The following MGAT1 variants were observed in gnomAD, a reference collection of about 807,000 sequenced individuals.
The protein encoded by MGAT1 is alpha-1,3-mannosyl-glycoprotein 2-beta-N-acetylglucosaminyltransferase, also known as N-glycosyl-oligosaccharide-glycoprotein N-acetylglucosaminyltransferase I.
In MGAT1, 14 loss-of-function variants were observed where a neutral mutation model predicts 31.7. The ratio of observed to expected loss-of-function variants is 0.44; its 90% CI spans 0.29 to 0.69. MGAT1 has a LOEUF of 0.69. Among genes scored for constraint, MGAT1 ranks in the 30% least tolerant of loss-of-function variants. The pLI, the probability that MGAT1 is intolerant of heterozygous loss-of-function variation, is 0.12. For missense variants in MGAT1, 557 were observed against 626.0 expected, an observed-to-expected ratio of 0.89 and a Z score of 1.18; for synonymous variants, 338 against 276.0, an observed-to-expected ratio of 1.22 and a Z score of -2.23.
chr5:180,802,599 C>A (rs1475082335), intron 1 of MGAT1, 81 bp downstream of exon 1: 2 of 152,348 alleles, frequency 1.3e-5, no homozygotes, highest in African/African-American at 2.4e-5. Flanking sequence ...GGCTTTGGGG[C>A]GACCCGACGT....
intron 1 of MGAT1, among the ~76,000 whole-genome samples, chr5:180,796,464 C>T (rs903608302): frequency 3.3e-5 from 5 of 152,156 alleles, no homozygotes; most frequent in African/African-American, 9.7e-5. Context: ...TCAGGGCAAA[C>T]GTCGTTTCAG....
intron 1 of MGAT1, chr5:180,810,467 G>C (rs950808706): frequency 2.0e-5 from 3 of 152,526 alleles, no homozygotes; most frequent in African/African-American, 7.2e-5. Context: ...GGCCAGCAGC[G>C]GAAGCGCGCG....
chr5:180,813,059 T>C (rs1772674094), intron 1 of MGAT1, among the ~76,000 whole-genome samples: 1 of 152,088 alleles, frequency 6.6e-6, no homozygotes, highest in South Asian at 2.1e-4. Context: ...TTTTGCAAAA[T>C]TACTTGTAGC....
At chr5:180,815,169 TC>T (rs1772798143) in intron 1 of MGAT1, among the ~76,000 whole-genome samples, 1 of 152,070 alleles carries the variant, frequency 6.6e-6, no homozygotes, top group Non-Finnish European at 1.5e-5. Flanking sequence ...CGCAGGTCTC[TC>T]TTCCTCTCTT....
chr5:180,792,072 C>G lies in MGAT1; in HGVS notation c.900G>C (p.Gly300=), dbSNP rs775842619. ...AGATCTCAGGGCGTATGCAGGCCCG[C>G]CCCTGCCGCTGCTCCGGCCGCCGCA... is the stretch of plus-strand genomic sequence containing the variant. ...DWMRRPEQRQ[G]RACIRPEISR... The change falls in exon 2 of 2, where the codon GGG becomes GGC. Residue 300 remains glycine (G), a synonymous_variant. Coordinates refer to ENST00000307826, the MANE Select transcript of MGAT1 (RefSeq NM_002406.4). The G allele has an allele frequency of 6.2e-7, 1 of 1,613,126 alleles. No individual in the cohort carries two copies. Among genetic ancestry groups the G allele is most frequent in the Non-Finnish European group, 8.5e-7 (1 of 1,179,888 alleles).
At chr5:180,797,682 T>C (rs549005448) in intron 1 of MGAT1, among the ~76,000 whole-genome samples, 1 of 149,126 alleles carries the variant, frequency 6.7e-6, no homozygotes, top group East Asian at 2.0e-4. Context: ...TGCACACACA[T>C]GGAGTGGCTG....
At position 180,798,713 on chromosome 5, in the gene MGAT1, T is replaced by C. The variant is rs117615702; in HGVS notation, c.-127+3967A>G. 5.3e-5 allele frequency among the ~76,000 whole-genome samples: 8 copies of C among 152,360 alleles called. No homozygotes were observed. The South Asian group carries it at 1.0e-3, about 20-fold the overall frequency. On this transcript the variant is annotated intron_variant, in intron 1 of 1. Transcript: ENST00000307826. ...TTTGGTAAAATCTGATCTGATCTAA[T>C]ATGGGGCTATTTATAGTCTTTTCTC...
Position 180,792,805 on chromosome 5 carries a change from C to T in MGAT1, c.167G>A (p.Arg56His), listed in dbSNP as rs774522120. The change falls in exon 2 of 2, where the codon CGC (arginine) becomes CAC (histidine). Residue 56 changes from arginine (R) to histidine (H), a missense_variant. Coordinates refer to ENST00000307826, the MANE Select transcript of MGAT1 (RefSeq NM_002406.4). ...CTCCACCTCGGCGTCTTGGGCCAGG[C>T]GAATCACTTCCCGGGTGAGGCTGGC... ...DPASLTREVI[R>H]LAQDAEVELE... 62 of 1,556,162 alleles carry T rather than the reference C, an allele frequency of 4.0e-5. No individual in the cohort carries two copies. The South Asian group carries it at 4.0e-4, about 10-fold the overall frequency.
Position 180,810,853 on chromosome 5 carries a change from G to A in MGAT1, c.-545-1787C>T, listed in dbSNP as rs1283817431. On this transcript the variant is annotated intron_variant, in intron 1 of 2. Transcript: ENST00000333055. The stretch of plus-strand genomic sequence containing the variant: ...CTTGACGAGGCAGGGCCCTTGCAGG[G>A]TGCGCCCGCGCTGCCCTCTGACAGG... 1.2e-4 allele frequency: 18 copies of A among 152,292 alleles called. 1 individual carries two copies. The highest frequency in any genetic ancestry group is 1.1e-3 in the Admixed American group (17 of 15,290). The allele number at this position is 152,292 out of a possible 1,614,324, so 9.4% of individuals were successfully genotyped here.
At chr5:180,794,361 T>A (rs764383979) in intron 1 of MGAT1, among the ~76,000 whole-genome samples, 20 of 150,630 alleles carry the variant, frequency 1.3e-4, no homozygotes, top group Non-Finnish European at 2.7e-4. Flanking sequence ...GCCATTGCAC[T>A]CCAGCCTGGG....
In MGAT1 at chr5:180,792,412, C is replaced by T. The variant is rs775360849; in HGVS notation, c.560G>A (p.Arg187His). The T allele has an allele frequency of 3.1e-6, 5 of 1,610,224 alleles. No homozygotes were observed. Among genetic ancestry groups the T allele is most frequent in the Admixed American group, 1.7e-5 (1 of 59,868 alleles). The change falls in exon 2 of 2, where the codon CGC becomes CAC. Residue 187 changes from arginine (R) to histidine (H), a missense_variant. This residue lies in a region of MGAT1 where 245 missense variants were observed against 332.9 expected (regional missense o/e 0.74). Transcript: ENST00000307826. ...RKFQGYYKIARHYRWALGQVF... is the reference protein window; with the variant it reads ...RKFQGYYKIAHHYRWALGQVF... ...CTGGCCCAGCGCCCAGCGGTAGTGG[C>T]GCGCGATCTTGTAGTAGCCCTGGAA...
chr5:180,801,685 C>A (rs1287122675), intron 1 of MGAT1, among the ~76,000 whole-genome samples: 1 of 152,184 alleles, frequency 6.6e-6, no homozygotes, highest in East Asian at 1.9e-4. Flanking sequence ...GTCACTTGAC[C>A]CACTTGTACC....
At chr5:180,807,857 A>C (rs986070867) in intron 2 of MGAT1, among the ~76,000 whole-genome samples, 5 of 152,244 alleles carry the variant, frequency 3.3e-5, no homozygotes, top group African/African-American at 1.2e-4. Flanking sequence ...CTATTTCAAG[A>C]AGAAAACAGA....
rs1394463585 is a variant in MGAT1, at chr5:180,802,159, T to C, written c.-127+521A>G. Among the ~76,000 whole-genome samples, 3 of 152,188 alleles carry C rather than the reference T, an allele frequency of 2.0e-5. 1 individual carries two copies. The highest frequency in any genetic ancestry group is 3.8e-4 in the East Asian group (2 of 5,196). On this transcript the variant is annotated intron_variant, in intron 1 of 1. Coordinates refer to ENST00000307826, the MANE Select transcript of MGAT1 (RefSeq NM_002406.4). ...CACAGTCCCTCTACTTCAGAGTTTATCAGACGCGGGCACTGCACGTCCCGG... is the reference window on the plus strand; with the variant it reads ...CACAGTCCCTCTACTTCAGAGTTTACCAGACGCGGGCACTGCACGTCCCGG...
chr5:180,797,123 C>A (rs1325535511), intron 1 of MGAT1, among the ~76,000 whole-genome samples: 1 of 152,148 alleles, frequency 6.6e-6, no homozygotes, highest in African/African-American at 2.4e-5. Context: ...AAGGGTGGGG[C>A]CCCACTGGGC....
In MGAT1 at chr5:180,786,024, AG is replaced by A. The variant is rs1393779171; in HGVS notation, c.*5609del. On this transcript the variant is annotated 3_prime_UTR_variant, in exon 2 of 2. Transcript: ENST00000307826. ...TCTGCCCACTGCTTTTGTTCCATAA[AG>A]AATGAGGCTTGCCCTCCCTTCCCCT... The A allele has an allele frequency of 6.6e-6, 1 of 152,298 alleles. No homozygotes were observed. The highest frequency in any genetic ancestry group is 1.5e-5 in the Non-Finnish European group (1 of 68,070). 9.4% of individuals were successfully genotyped at this position (152,298 alleles called of 1,614,324 possible). A position where few individuals can be genotyped will look rare whatever the true frequency, so the allele number is the denominator to read the frequency against.
chr5:180,788,455 T>C lies in MGAT1; in HGVS notation c.*3179A>G, dbSNP rs1399376711. 1 of 152,368 alleles carries C rather than the reference T, an allele frequency of 6.6e-6. No homozygotes were observed. The highest frequency in any genetic ancestry group is 1.5e-5 in the Non-Finnish European group (1 of 68,202). 9.4% of individuals were successfully genotyped at this position (152,368 alleles called of 1,614,324 possible). ...CTGGGGAATGGCCTGGAAGAGGCCG[T>C]AAAGGCTGGAATGGAACAGTCCAGC... is the stretch of plus-strand genomic sequence containing the variant. On this transcript the variant is annotated 3_prime_UTR_variant, in exon 2 of 2. Transcript: ENST00000307826.
intron 1 of MGAT1, among the ~76,000 whole-genome samples, chr5:180,800,908 C>A (rs1770629252): frequency 6.6e-6 from 1 of 152,218 alleles, no homozygotes; most frequent in South Asian, 2.1e-4. Context: ...GCATGCAAGG[C>A]ACAGACTCAA....
chr5:180,792,283 T>G lies in MGAT1; in HGVS notation c.689A>C (p.Lys230Thr). The G allele has an allele frequency of 6.2e-7, 1 of 1,611,570 alleles. No individual in the cohort carries two copies. The highest frequency in any genetic ancestry group is 8.5e-7 in the Non-Finnish European group (1 of 1,178,696). The change falls in exon 2 of 2, where the codon AAG becomes ACG. Residue 230 changes from lysine (K) to threonine (T), a missense_variant. Transcript: ENST00000307826. ...EYFRATYPLL[K>T]ADPSLWCVSA... ...GACGCACCACAGGGAGGGGTCGGCC[T>G]TCAGCAGCGGATAGGTGGCCCGAAA... is the stretch of plus-strand genomic sequence containing the variant.
Sources: gnomAD v4.1 joint callset for allele counts (sites outside exome capture counted in the v4.1 genomes callset) on GRCh38, gnomAD v4.1.1 for gene constraint, gnomAD v4.1.1 regional missense constraint, MANE v1.5 for transcripts, NCBI Gene and HGNC (gene_info 2026-07-23, HGNC 2026-07-21) for gene names.